The following SMAP1 variants were observed in gnomAD, a reference collection of about 807,000 sequenced individuals.
The protein encoded by SMAP1 is small ArfGAP 1, also known as stromal membrane-associated protein 1.
Under a neutral mutation model 58.5 loss-of-function variants are expected in SMAP1, and 24 were observed. That is an observed-to-expected ratio of 0.41 (90% CI 0.30 to 0.58). The LOEUF (loss-of-function observed/expected upper bound fraction) is 0.58. SMAP1 is among the 20% of genes least tolerant of loss of function. SMAP1 has a pLI of 0.29. For missense variants in SMAP1, 563 were observed against 566.3 expected, an observed-to-expected ratio of 0.99 and a Z score of 0.06; for synonymous variants, 216 against 196.6, an observed-to-expected ratio of 1.10 and a Z score of -0.82.
chr6:70,726,874 G>T (rs1326561304), intron 1 of SMAP1, among the ~76,000 whole-genome samples: 4 of 144,908 alleles, frequency 2.8e-5, no homozygotes, highest in Admixed American at 1.4e-4. Flanking sequence ...AAATTTTAGG[G>T]GTGTGTGTGT....
intron 1 of SMAP1, among the ~76,000 whole-genome samples, chr6:70,669,822 C>T (rs1766190376): frequency 6.6e-6 from 1 of 152,182 alleles, no homozygotes; most frequent in Non-Finnish European, 1.5e-5. Flanking sequence ...CCTTCATCTA[C>T]AGACTTTATT....
At position 70,860,580 on chromosome 6, in the gene SMAP1, T is replaced by C. The variant is rs1771675669; in HGVS notation, c.*246T>C. ...TCCCATGATTTCATGTACTGCATTA[T>C]TTGAGAAGCTGCTCAACTTGCAAAA... is the stretch of plus-strand genomic sequence containing the variant. On this transcript the variant is annotated 3_prime_UTR_variant, in exon 11 of 11. Coordinates refer to ENST00000370455, the MANE Select transcript of SMAP1 (RefSeq NM_001044305.3). The C allele has an allele frequency of 3.0e-5, 13 of 434,406 alleles. No homozygotes were observed. In the East Asian group the frequency reaches 4.5e-4, roughly 15 times the overall value. The allele number at this position is 434,406 out of a possible 1,614,324, so 26.9% of individuals were successfully genotyped here. A position where few individuals can be genotyped will look rare whatever the true frequency, so the allele number is the denominator to read the frequency against.
chr6:70,763,434 C>T (rs1209677904), intron 3 of SMAP1, among the ~76,000 whole-genome samples: 1 of 152,130 alleles, frequency 6.6e-6, no homozygotes, highest in Non-Finnish European at 1.5e-5. Flanking sequence ...CTACACTGAT[C>T]AGCTTTTCCC....
chr6:70,744,632 T>C (rs1053596674), intron 2 of SMAP1, among the ~76,000 whole-genome samples: 7 of 152,252 alleles, frequency 4.6e-5, no homozygotes, highest in Admixed American at 3.9e-4. Context: ...GCAGTAAACA[T>C]ATGTGTGCAT....
chr6:70,856,502 A>G (rs1246760390), intron 8 of SMAP1, among the ~76,000 whole-genome samples: 1 of 152,228 alleles, frequency 6.6e-6, no homozygotes, highest in Non-Finnish European at 1.5e-5. Flanking sequence ...TCCAAAGGAT[A>G]CCAGTTTCTT....
chr6:70,768,869 C>T (rs561865379), intron 3 of SMAP1, among the ~76,000 whole-genome samples: 2 of 152,196 alleles, frequency 1.3e-5, no homozygotes, highest in African/African-American at 4.8e-5. Context: ...ATCTTTCCTG[C>T]TTTCTCTTGT....
chr6:70,775,755 G>A (rs1419551972), intron 4 of SMAP1, among the ~76,000 whole-genome samples: 1 of 151,962 alleles, frequency 6.6e-6, no homozygotes, highest in Admixed American at 6.6e-5. Flanking sequence ...TAGTACTATT[G>A]AAATAAAAAT....
chr6:70,690,645 A>T (rs77757079), intron 1 of SMAP1, among the ~76,000 whole-genome samples: 1 of 151,132 alleles, frequency 6.6e-6, no homozygotes, highest in African/African-American at 2.4e-5. Context: ...CACACATTAA[A>T]CTGCATTCCT....
chr6:70,828,793 A>G (rs928057760), intron 6 of SMAP1, among the ~76,000 whole-genome samples: 3 of 152,186 alleles, frequency 2.0e-5, no homozygotes, highest in Admixed American at 6.5e-5. Context: ...GCCATTGCCA[A>G]TTCCAGGGAG....
intron 8 of SMAP1, among the ~76,000 whole-genome samples, chr6:70,855,586 TAAC>T (rs904146110): frequency 9.2e-5 from 14 of 152,198 alleles, no homozygotes; most frequent in Non-Finnish European, 1.6e-4. Flanking sequence ...TAAACAATAT[TAAC>T]AATAAACACC....
At chr6:70,788,198 G>T (rs1461093731) in intron 4 of SMAP1, among the ~76,000 whole-genome samples, 1 of 150,280 alleles carries the variant, frequency 6.7e-6, no homozygotes, top group African/African-American at 2.5e-5. Context: ...ACTATCGCAA[G>T]GACAAGAAAC....
chr6:70,794,566 C>G (rs920228189), intron 5 of SMAP1, among the ~76,000 whole-genome samples: 8 of 152,122 alleles, frequency 5.3e-5, no homozygotes, highest in African/African-American at 1.9e-4. Flanking sequence ...CACCACCCCA[C>G]GACAGGCACC....
Position 70,857,937 on chromosome 6 carries a change from C to T in SMAP1, c.977C>T (p.Pro326Leu). 6.2e-7 allele frequency: 1 copy of T among 1,613,884 alleles called. No individual in the cohort carries two copies. The highest frequency in any genetic ancestry group is 8.5e-7 in the Non-Finnish European group (1 of 1,179,916). Residue 326 changes from proline (P) to leucine (L), a missense_variant, in exon 10 of 11, where the codon CCC becomes CTC. Pro to Leu is a moderately conservative substitution (Grantham distance 98, BLOSUM62 -3). Coordinates refer to ENST00000370455, the MANE Select transcript of SMAP1 (RefSeq NM_001044305.3). ...TGTGGTGCAGGTGTATTTATGGGAC[C>T]CACAAATATACCATTTACCTCACAA... Reference protein sequence around the residue: ...QQSTPGVFMGPTNIPFTSQAP... With the variant: ...QQSTPGVFMGLTNIPFTSQAP...
At chr6:70,716,804 C>A (rs1259098833) in intron 1 of SMAP1, among the ~76,000 whole-genome samples, 1 of 152,012 alleles carries the variant, frequency 6.6e-6, no homozygotes, top group African/African-American at 2.4e-5. Context: ...TCTTTATGAC[C>A]ATTTTTTAAA....
At position 70,860,436 on chromosome 6, in the gene SMAP1, C is replaced by G. The variant is rs374226519; in HGVS notation, c.*102C>G. 7.3e-7 allele frequency: 1 copy of G among 1,365,390 alleles called. No individual in the cohort carries two copies. The highest frequency in any genetic ancestry group is 1.9e-4 in the Middle Eastern group (1 of 5,182). The allele number at this position is 1,365,390 out of a possible 1,614,324, so 84.6% of individuals were successfully genotyped here. On this transcript the variant is annotated 3_prime_UTR_variant, in exon 11 of 11. Transcript: ENST00000370455. ...CATATGCATATTTTTTTTCTTTTTA[C>G]CCATTTGTTCATATTAAGAATGATC...
intron 1 of SMAP1, among the ~76,000 whole-genome samples, chr6:70,686,501 G>T (rs998450052): frequency 6.6e-6 from 1 of 152,142 alleles, no homozygotes; most frequent in African/African-American, 2.4e-5. Flanking sequence ...AGGAATTATA[G>T]TTAACTCTTG....
chr6:70,816,036 A>G (rs1406120855), intron 6 of SMAP1, among the ~76,000 whole-genome samples: 1 of 152,168 alleles, frequency 6.6e-6, no homozygotes, highest in Non-Finnish European at 1.5e-5. Flanking sequence ...AAAGGCAGAT[A>G]TGATACAATA....
chr6:70,824,002 A>G (rs1416080868), intron 6 of SMAP1, among the ~76,000 whole-genome samples: 3 of 151,874 alleles, frequency 2.0e-5, no homozygotes, highest in African/African-American at 4.8e-5. Context: ...AGACTTGTCT[A>G]TATTTGAGCC....
chr6:70,757,029 A>G (rs1464954037), intron 3 of SMAP1, among the ~76,000 whole-genome samples: 1 of 152,222 alleles, frequency 6.6e-6, no homozygotes, highest in Non-Finnish European at 1.5e-5. Context: ...TTTAAAGTTC[A>G]TATGGAACCA....
Sources: gnomAD v4.1 joint callset for allele counts (sites outside exome capture counted in the v4.1 genomes callset) on GRCh38, gnomAD v4.1.1 for gene constraint, MANE v1.5 for transcripts, NCBI Gene and HGNC (gene_info 2026-07-23, HGNC 2026-07-21) for gene names.